The following CDH23 variants were observed in gnomAD, a reference collection of about 807,000 sequenced individuals.
CDH23 encodes the protein cadherin-23.
CDH23 carries 189 observed loss-of-function variants against 317.1 expected under a neutral mutation model. The observed-to-expected ratio is 0.60, with a 90% CI of 0.53 to 0.67. The LOEUF (loss-of-function observed/expected upper bound fraction) is 0.67, where lower values mean the gene tolerates loss of function less well. CDH23 is among the 30% of genes least tolerant of loss of function. The pLI is 0.00. For synonymous variants in CDH23, 1,839 were observed against 1,876.8 expected (o/e 0.98, Z 0.52); for missense variants, 4,401 against 4,592.4 (o/e 0.96, Z 1.20).
chr10:71,650,614 G>T (rs561294321), intron 14 of CDH23, among the ~76,000 whole-genome samples: 1 of 152,188 alleles, frequency 6.6e-6, no homozygotes, highest in African/African-American at 2.4e-5. Flanking sequence ...GGGGATGTGC[G>T]TACACTATAT....
intron 19 of CDH23, among the ~76,000 whole-genome samples, chr10:71,688,493 A>T (rs985304638): frequency 1.3e-5 from 2 of 150,088 alleles, no homozygotes; most frequent in African/African-American, 5.0e-5. Flanking sequence ...TCGTGGAGCC[A>T]GGGATGGTGG....
intron 9 of CDH23, among the ~76,000 whole-genome samples, chr10:71,610,306 G>C (rs1220852795): frequency 2.0e-5 from 3 of 152,118 alleles, no homozygotes. Context: ...CCCAGCCCTA[G>C]GACTCCCTCT....
At chr10:71,673,289 G>A (rs1864222907) in intron 14 of CDH23, among the ~76,000 whole-genome samples, 1 of 152,190 alleles carries the variant, frequency 6.6e-6, no homozygotes, top group Non-Finnish European at 1.5e-5. Flanking sequence ...GTATGGTTTG[G>A]TCACACAGTG....
intron 6 of CDH23, among the ~76,000 whole-genome samples, chr10:71,524,674 G>A (rs756752442): frequency 6.6e-6 from 1 of 152,182 alleles, no homozygotes; most frequent in Non-Finnish European, 1.5e-5. Flanking sequence ...TGAGGCCTCT[G>A]TAATCACCAG....
rs753173424 is a variant in CDH23 at position 71,815,252 on chromosome 10, AC to A, written c.10045del (p.Leu3349TrpfsTer8). 1.9e-6 allele frequency: 3 copies of A among 1,579,888 alleles called. No individual in the cohort carries two copies. Among genetic ancestry groups the A allele is most frequent in the Non-Finnish European group, 2.6e-6 (3 of 1,158,174 alleles). On this transcript the variant is annotated frameshift_variant, in exon 70 of 70. Coordinates refer to ENST00000224721, the MANE Select transcript of CDH23 (RefSeq NM_022124.6). LOFTEE classifies it high-confidence loss of function. The part of the protein sequence containing the change: ...LHKLRDVIME[T>X]PLEITEL ...CAAACTTCGCGACGTGATCATGGAG[AC>A]CCCCCTGGAGATCACAGAGCTGTGA...
rs376885908 is a variant in CDH23 at position 71,713,139 on chromosome 10, G to A, written c.3369+326G>A. ...GGAGAAAGAGACGTCACAATTTCCC[G>A]GAAAGGAGTTGAGAAGAGAGCCAGG... On this transcript the variant is annotated intron_variant, in intron 28 of 69. Coordinates refer to ENST00000224721, the MANE Select transcript of CDH23 (RefSeq NM_022124.6). The A allele has an allele frequency of 1.4e-4, 106 of 778,490 alleles. 1 individual carries two copies. The highest frequency in any genetic ancestry group is 2.1e-4 in the Non-Finnish European group (88 of 417,472). The allele number at this position is 778,490 out of a possible 1,614,324, so 48.2% of individuals were successfully genotyped here. A position where few individuals can be genotyped will look rare whatever the true frequency, so the allele number is the denominator to read the frequency against.
chr10:71,730,765 C>T (rs1170482621), intron 31 of CDH23, among the ~76,000 whole-genome samples, 161 bp downstream of exon 31: 1 of 152,244 alleles, frequency 6.6e-6, no homozygotes. Flanking sequence ...GATCACTTCC[C>T]ACCAGTGGCC....
At chr10:71,528,420 C>T (rs1855165841) in intron 6 of CDH23, among the ~76,000 whole-genome samples, 1 of 152,212 alleles carries the variant, frequency 6.6e-6, no homozygotes, top group Non-Finnish European at 1.5e-5. Context: ...GGACGGGTCC[C>T]TTCCCATAAC....
At chr10:71,472,763 C>G (rs1434971010) in intron 3 of CDH23, among the ~76,000 whole-genome samples, 1 of 152,210 alleles carries the variant, frequency 6.6e-6, no homozygotes, top group African/African-American at 2.4e-5. Context: ...GACTCCTGTG[C>G]TCTGTGCATG....
intron 32 of CDH23, 67 bp from the exon 33 acceptor site, chr10:71,734,173 G>A: frequency 2.3e-6 from 3 of 1,312,686 alleles, no homozygotes; most frequent in African/African-American, 2.9e-5. Flanking sequence ...GTGGAAAAGT[G>A]GGCAGAATGA....
chr10:71,638,684 T>C (rs1862388764), intron 11 of CDH23, among the ~76,000 whole-genome samples: 1 of 152,150 alleles, frequency 6.6e-6, no homozygotes, highest in Non-Finnish European at 1.5e-5. Context: ...CAAGGGAGTA[T>C]TTAACGAGCT....
Position 71,812,606 on chromosome 10 carries a change from C to T in CDH23, c.9507C>T (p.Thr3169=), listed in dbSNP as rs747897509. ...IADLWNSPTR[T]HGTFGREPAA... is the part of the protein sequence containing the mutation. Reference sequence around the variant, plus strand: ...ACCTGTGGAACAGCCCCACGCGCACCCATGTGAGCCAGAGGCGGTCAGGCA... The same window carrying T: ...ACCTGTGGAACAGCCCCACGCGCACTCATGTGAGCCAGAGGCGGTCAGGCA... The change falls in exon 67 of 70, where the codon ACC becomes ACT. Residue 3169 remains threonine (T), a synonymous_variant. Transcript: ENST00000224721. The T allele has an allele frequency of 6.2e-7, 1 of 1,613,748 alleles. No individual in the cohort carries two copies. Among genetic ancestry groups the T allele is most frequent in the East Asian group, 2.2e-5 (1 of 44,900 alleles).
At chr10:71,491,007 C>T (rs187105818) in intron 3 of CDH23, among the ~76,000 whole-genome samples, 24 of 151,926 alleles carry the variant, frequency 1.6e-4, no homozygotes, top group East Asian at 1.5e-3. Flanking sequence ...GAGACTCCAT[C>T]GCAAAAAAAA....
intron 18 of CDH23, among the ~76,000 whole-genome samples, chr10:71,686,783 G>A (rs969706433): frequency 3.3e-5 from 5 of 152,096 alleles, no homozygotes; most frequent in Non-Finnish European, 7.3e-5. Flanking sequence ...CAAGTGGGCT[G>A]GGGAGGCTTC....
chr10:71,652,470 C>T (rs1802994980), intron 14 of CDH23, among the ~76,000 whole-genome samples: 1 of 152,202 alleles, frequency 6.6e-6, no homozygotes, highest in South Asian at 2.1e-4. Context: ...TTACAGATGG[C>T]AGGAGTGGGT....
Position 71,790,993 on chromosome 10 carries a change from G to C in CDH23, c.6050-139G>C, listed in dbSNP as rs576873398. 31 of 691,166 alleles carry C rather than the reference G, an allele frequency of 4.5e-5. No homozygotes were observed. The East Asian group carries it at 7.9e-4, about 18-fold the overall frequency. The allele number at this position is 691,166 out of a possible 1,614,324, so 42.8% of individuals were successfully genotyped here. A position where few individuals can be genotyped will look rare whatever the true frequency, so the allele number is the denominator to read the frequency against. On this transcript the variant is annotated intron_variant, in intron 46 of 69. Transcript: ENST00000224721. ...AGCCTGTGGGGGAGAAAGTCATTTT[G>C]TTACTGCCTCTGCTCCTCTTTCATC... is the stretch of plus-strand genomic sequence containing the variant.
intron 9 of CDH23, among the ~76,000 whole-genome samples, chr10:71,600,164 G>A (rs928771572): frequency 4.0e-5 from 6 of 151,568 alleles, no homozygotes; most frequent in African/African-American, 7.3e-5. Flanking sequence ...TACTACACCC[G>A]GCTAATTTTG....
intron 14 of CDH23, among the ~76,000 whole-genome samples, chr10:71,653,487 G>A (rs1035498851): frequency 1.3e-5 from 2 of 152,188 alleles, no homozygotes; most frequent in African/African-American, 4.8e-5. Flanking sequence ...CAAGGTGCTG[G>A]AAACCTAATA....
chr10:71,672,652 A>G (rs1223033859), intron 14 of CDH23, among the ~76,000 whole-genome samples: 1 of 152,176 alleles, frequency 6.6e-6, no homozygotes, highest in Non-Finnish European at 1.5e-5. Context: ...GCCCAGTCCA[A>G]CGTGGGCAGG....
Sources: gnomAD v4.1 joint callset for allele counts (sites outside exome capture counted in the v4.1 genomes callset) on GRCh38, gnomAD v4.1.1 for gene constraint, MANE v1.5 for transcripts, NCBI Gene and HGNC (gene_info 2026-07-23, HGNC 2026-07-21) for gene names.